The following FAM107B variants were observed in gnomAD, a reference collection of about 807,000 sequenced individuals.
FAM107B encodes the protein family with sequence similarity 107 member B, also known as protein FAM107B.
Under a neutral mutation model 31.5 loss-of-function variants are expected in FAM107B, and 21 were observed. The observed-to-expected ratio is 0.67, with a 90% CI of 0.47 to 0.96. The LOEUF (loss-of-function observed/expected upper bound fraction) is 0.96. FAM107B is among the 40% of genes least tolerant of loss of function. The probability of loss-of-function intolerance (pLI) is 0.00; values close to 1 mark genes in which losing one functional copy is unlikely to be tolerated. For synonymous variants in FAM107B, 157 were observed against 141.5 expected (o/e 1.11, Z -0.78); for missense variants, 452 against 377.1 (o/e 1.20, Z -1.64).
intron 2 of FAM107B, among the ~76,000 whole-genome samples, chr10:14,625,474 GGGCCTGACAGCCATGA>G (rs1853135832): frequency 6.6e-6 from 1 of 152,142 alleles, no homozygotes; most frequent in Non-Finnish European, 1.5e-5. Context: ...GCTCCAGCCA[GGGCCTGACAGCCATGA>G]GTACAACTGT....
intron 2 of FAM107B, among the ~76,000 whole-genome samples, chr10:14,548,164 G>A (rs1437005468): frequency 2.6e-5 from 4 of 152,236 alleles, no homozygotes; most frequent in Admixed American, 2.0e-4. Flanking sequence ...CAGTTACTAT[G>A]TCTCCTACGG....
chr10:14,558,762 A>C (rs1849938741), intron 2 of FAM107B, among the ~76,000 whole-genome samples: 1 of 152,158 alleles, frequency 6.6e-6, no homozygotes, highest in African/African-American at 2.4e-5. Flanking sequence ...TTCTGGCTGG[A>C]TTTTATAAAA....
intron 2 of FAM107B, among the ~76,000 whole-genome samples, chr10:14,580,449 T>C (rs17155499): frequency 0.097 from 14,751 of 152,108 alleles, 760 homozygotes; most frequent in East Asian, 0.2. Context: ...GATCTCTGTA[T>C]TAAGTGTGGT....
intron 1 of FAM107B, among the ~76,000 whole-genome samples, chr10:14,693,602 G>T (rs1384470548): frequency 6.6e-6 from 1 of 152,094 alleles, no homozygotes; most frequent in Non-Finnish European, 1.5e-5. Context: ...AATTTTGTGT[G>T]GCAAGAGCGG....
intron 1 of FAM107B, among the ~76,000 whole-genome samples, chr10:14,753,369 C>T (rs1377040530): frequency 1.3e-5 from 2 of 152,180 alleles, no homozygotes; most frequent in Admixed American, 1.3e-4. Context: ...AGCTTAAAAC[C>T]CCGTTACATC....
In FAM107B at chr10:14,520,400, T is replaced by A. The variant is rs1321199951; in HGVS notation, c.*790A>T. 1 of 152,178 alleles carries A rather than the reference T, an allele frequency of 6.6e-6. No homozygotes were observed. The highest frequency in any genetic ancestry group is 6.5e-5 in the Admixed American group (1 of 15,282). 9.4% of individuals were successfully genotyped at this position (152,178 alleles called of 1,614,324 possible). The stretch of plus-strand genomic sequence containing the variant: ...TCTAAGGGACTGGAAGGTTATTCCA[T>A]CTGAAAGAACTAGATCAGCAAGACA... On this transcript the variant is annotated 3_prime_UTR_variant, in exon 5 of 5. Transcript: ENST00000181796.
chr10:14,769,139 C>T (rs7903571), intron 1 of FAM107B, among the ~76,000 whole-genome samples: 19,214 of 152,200 alleles, frequency 0.13, 3,338 homozygotes, highest in African/African-American at 0.39. Flanking sequence ...TCCAGCAACA[C>T]AGGGAGTCTC....
At chr10:14,557,552 G>A (rs1020539214) in intron 2 of FAM107B, among the ~76,000 whole-genome samples, 6 of 152,068 alleles carry the variant, frequency 3.9e-5, no homozygotes, top group African/African-American at 1.4e-4. Flanking sequence ...GGGATTCTTT[G>A]TCATTTAACT....
chr10:14,711,147 G>A (rs1855636945), intron 1 of FAM107B, among the ~76,000 whole-genome samples: 1 of 152,176 alleles, frequency 6.6e-6, no homozygotes. Context: ...TCCTGACCTT[G>A]TGATCCACCC....
chr10:14,716,283 A>T (rs1444326564), intron 1 of FAM107B, among the ~76,000 whole-genome samples: 1 of 152,200 alleles, frequency 6.6e-6, no homozygotes, highest in Non-Finnish European at 1.5e-5. Flanking sequence ...TGTGGCCAAG[A>T]TGTTGGCCAG....
chr10:14,659,577 A>G (rs1213126570), intron 2 of FAM107B, among the ~76,000 whole-genome samples: 1 of 152,184 alleles, frequency 6.6e-6, no homozygotes, highest in African/African-American at 2.4e-5. Flanking sequence ...TTTTCTGTTC[A>G]TCTGTGGCCA....
At chr10:14,608,593 G>A (rs1020523301) in intron 2 of FAM107B, among the ~76,000 whole-genome samples, 1 of 152,210 alleles carries the variant, frequency 6.6e-6, no homozygotes, top group African/African-American at 2.4e-5. Context: ...AGGCATCTCA[G>A]ATCCACTTGT....
chr10:14,537,738 G>A (rs907804439), intron 2 of FAM107B, among the ~76,000 whole-genome samples: 1 of 151,726 alleles, frequency 6.6e-6, no homozygotes, highest in Non-Finnish European at 1.5e-5. Flanking sequence ...GGGAGGCTGA[G>A]GCAGGAGAAT....
At chr10:14,745,003 G>A (rs1832695774) in intron 1 of FAM107B, among the ~76,000 whole-genome samples, 1 of 152,136 alleles carries the variant, frequency 6.6e-6, no homozygotes, top group South Asian at 2.1e-4. Flanking sequence ...GGTCTATTCA[G>A]GGATTTGCCT....
chr10:14,554,603 G>A (rs896912951), intron 2 of FAM107B, among the ~76,000 whole-genome samples: 1 of 152,216 alleles, frequency 6.6e-6, no homozygotes, highest in Non-Finnish European at 1.5e-5. Flanking sequence ...AAACATGCCA[G>A]GAGTTCTGCT....
chr10:14,527,647 C>T (rs1367461349), intron 3 of FAM107B, among the ~76,000 whole-genome samples: 1 of 152,244 alleles, frequency 6.6e-6, no homozygotes, highest in Non-Finnish European at 1.5e-5. Flanking sequence ...AGATAACACA[C>T]ACTGGGCTAT....
chr10:14,558,217 TCA>T (rs772370240), intron 2 of FAM107B, among the ~76,000 whole-genome samples: 4 of 151,856 alleles, frequency 2.6e-5, no homozygotes, highest in Non-Finnish European at 5.9e-5. Context: ...GTGCTCACAT[TCA>T]CACACATGTG....
chr10:14,652,146 T>G lies in FAM107B; in HGVS notation c.469+15488A>C, dbSNP rs373777462. ...CAGATCTAAAACATAGATATTCAAC[T>G]TCAAATGTTAAAAAAAAAAAGCAGT... On this transcript the variant is annotated intron_variant, in intron 2 of 4. Coordinates refer to ENST00000181796, the MANE Select transcript of FAM107B (RefSeq NM_031453.4). Among the ~76,000 whole-genome samples the G allele has an allele frequency of 2.5e-3, 113 of 45,364 alleles. 1 individual carries two copies. The highest frequency in any genetic ancestry group is 8.2e-3 in the African/African-American group (108 of 13,162). 29.8% of individuals were successfully genotyped at this position (45,364 alleles called of 152,430 possible). A position where few individuals can be genotyped will look rare whatever the true frequency, so the allele number is the denominator to read the frequency against.
At chr10:14,708,846 A>G (rs1178357956) in intron 1 of FAM107B, among the ~76,000 whole-genome samples, 1 of 152,142 alleles carries the variant, frequency 6.6e-6, no homozygotes, top group Non-Finnish European at 1.5e-5. Flanking sequence ...CACTTCACCA[A>G]AGAAAATATA....
Sources: allele counts gnomAD v4.1 joint callset (sites outside exome capture counted in the v4.1 genomes callset), GRCh38; gene constraint gnomAD v4.1.1; transcripts MANE v1.5; gene names NCBI Gene and HGNC (gene_info 2026-07-23, HGNC 2026-07-21).